Variants in R3HDM2 observed in about 807,000 individuals in gnomAD.
The protein encoded by R3HDM2 is R3H domain containing 2, also known as R3H domain-containing protein 2.
A neutral mutation model predicts 124.5 loss-of-function variants in R3HDM2; 38 were observed. That is an observed-to-expected ratio of 0.31 (90% CI 0.24 to 0.40). The LOEUF (loss-of-function observed/expected upper bound fraction) is 0.40. Ranked by LOEUF, R3HDM2 falls within the 10% of genes least tolerant of loss-of-function variation. The probability of loss-of-function intolerance (pLI) is 1.00; values close to 1 mark genes in which losing one functional copy is unlikely to be tolerated. For synonymous variants in R3HDM2, 391 were observed against 448.0 expected (o/e 0.87, Z 1.61); for missense variants, 869 against 1,236.9 (o/e 0.70, Z 4.46).
In R3HDM2 at chr12:57,423,246, A is replaced by ACCC. The variant is rs1220775907; in HGVS notation, c.-106+7471_-106+7473dup. On this transcript the variant is annotated intron_variant, in intron 1 of 23. Coordinates refer to ENST00000402412, the MANE Select transcript of R3HDM2 (RefSeq NM_001394031.1). The stretch of plus-strand genomic sequence containing the variant: ...AGACCAGGCTGGCAAACATGGTGAA[A>ACCC]CCCCCCATCTCTACTAAAAATGCAA... Among the ~76,000 whole-genome samples, 4 of 151,092 alleles carry ACCC rather than the reference A, an allele frequency of 2.6e-5. No homozygotes were observed. The East Asian group carries it at 7.8e-4, about 30-fold the overall frequency.
intron 2 of R3HDM2, among the ~76,000 whole-genome samples, chr12:57,386,333 G>A (rs1020648182): frequency 1.6e-4 from 25 of 152,352 alleles, no homozygotes; most frequent in African/African-American, 4.8e-4. Context: ...GGCGGGAACC[G>A]AGGCTGCCCA....
At chr12:57,272,291 T>C (rs910563436) in intron 14 of R3HDM2, among the ~76,000 whole-genome samples, 1 of 152,152 alleles carries the variant, frequency 6.6e-6, no homozygotes, top group African/African-American at 2.4e-5. Flanking sequence ...GCCATTAGCA[T>C]GGAGTATAGT....
chr12:57,297,477 T>G (rs970407492), intron 7 of R3HDM2, 90 bp from the exon 8 acceptor site: 97 of 760,682 alleles, frequency 1.3e-4, no homozygotes, highest in Middle Eastern at 2.3e-4. Context: ...CACAACTTGC[T>G]CATTACAGAA....
chr12:57,345,500 T>TACACACAC (rs55903347), intron 2 of R3HDM2, among the ~76,000 whole-genome samples: 8 of 147,526 alleles, frequency 5.4e-5, no homozygotes, highest in African/African-American at 1.5e-4. Flanking sequence ...ATTTCTTTTA[T>TACACACAC]ACACACACAC....
Position 57,270,087 on chromosome 12 carries a change from A to G in R3HDM2, c.1345-93T>C. 3 of 1,467,328 alleles carry G rather than the reference A, an allele frequency of 2.0e-6. No homozygotes were observed. In the South Asian group the frequency reaches 3.7e-5, roughly 18 times the overall value. The allele number at this position is 1,467,328 out of a possible 1,614,324, so 90.9% of individuals were successfully genotyped here. ...ACAGAGAGAAATAGCAATGCTTTTT[A>G]CAACCTTCTTTAAAACAATGGGGGA... On this transcript the variant is annotated intron_variant, in intron 14 of 23. Transcript: ENST00000402412.
chr12:57,332,629 A>G (rs971660797), intron 2 of R3HDM2, among the ~76,000 whole-genome samples: 1 of 152,154 alleles, frequency 6.6e-6, no homozygotes, highest in Non-Finnish European at 1.5e-5. Context: ...TGCAAGATCT[A>G]AAAAACTGTG....
chr12:57,298,623 G>A (rs1048868568), intron 6 of R3HDM2, among the ~76,000 whole-genome samples: 16 of 151,148 alleles, frequency 1.1e-4, no homozygotes, highest in African/African-American at 3.7e-4. Context: ...GAGTTTAAAG[G>A]CAAAGATAGT....
intron 14 of R3HDM2, among the ~76,000 whole-genome samples, chr12:57,272,778 C>T (rs2043891175): frequency 2.0e-5 from 3 of 152,184 alleles, no homozygotes; most frequent in Admixed American, 2.0e-4. Flanking sequence ...GACAAACAGG[C>T]AATCTCTCTT....
intron 21 of R3HDM2, among the ~76,000 whole-genome samples, chr12:57,257,036 C>G (rs906496611): frequency 2.0e-5 from 3 of 152,078 alleles, no homozygotes; most frequent in African/African-American, 7.2e-5. Flanking sequence ...GCCAGGCAGT[C>G]TTGAACTCCT....
At chr12:57,384,069 G>C (rs891481590) in intron 2 of R3HDM2, among the ~76,000 whole-genome samples, 4 of 151,942 alleles carry the variant, frequency 2.6e-5, no homozygotes, top group Non-Finnish European at 5.9e-5. Flanking sequence ...AAATAGAAAA[G>C]TATGGAAACA....
At chr12:57,377,430 T>C (rs1303403921) in intron 2 of R3HDM2, among the ~76,000 whole-genome samples, 3 of 152,054 alleles carry the variant, frequency 2.0e-5, no homozygotes, top group African/African-American at 7.2e-5. Flanking sequence ...AATTTGAACA[T>C]GGGACCCATG....
chr12:57,417,983 C>T (rs576810530), intron 1 of R3HDM2, among the ~76,000 whole-genome samples: 1 of 152,256 alleles, frequency 6.6e-6, no homozygotes, highest in Non-Finnish European at 1.5e-5. Context: ...TAACCCTGTT[C>T]CCTATCACAG....
At chr12:57,393,279 T>A (rs2067002706) in intron 2 of R3HDM2, among the ~76,000 whole-genome samples, 1 of 152,080 alleles carries the variant, frequency 6.6e-6, no homozygotes, top group Non-Finnish European at 1.5e-5. Context: ...AATTTTGGAA[T>A]TTTTAGTAGA....
intron 8 of R3HDM2, 90 bp downstream of exon 8, chr12:57,297,238 T>C: frequency 1.4e-6 from 1 of 702,972 alleles, no homozygotes; most frequent in Non-Finnish European, 2.4e-6. Context: ...AAAATCACAC[T>C]TCAAGGGGAA....
At chr12:57,335,581 T>C (rs746042222) in intron 2 of R3HDM2, among the ~76,000 whole-genome samples, 3 of 151,010 alleles carry the variant, frequency 2.0e-5, no homozygotes, top group Non-Finnish European at 4.4e-5. Flanking sequence ...TGCTGCAACT[T>C]TGAACTCCTG....
Position 57,262,185 on chromosome 12 carries a change from T to C in R3HDM2, c.2132-3126A>G, listed in dbSNP as rs117621047. Among the ~76,000 whole-genome samples the C allele has an allele frequency of 8.0e-3, 1,223 of 152,336 alleles. 13 individuals carry two copies. Among genetic ancestry groups the C allele is most frequent in the Middle Eastern group, 0.031 (9 of 294 alleles). ...AGAATCCAATAATATCTTGGTATTT[T>C]TCCTTTTTTTGGTGGGGGAGTAGGA... On this transcript the variant is annotated intron_variant, in intron 19 of 23. Coordinates refer to ENST00000402412, the MANE Select transcript of R3HDM2 (RefSeq NM_001394031.1).
At chr12:57,301,992 T>G (rs888534117) in intron 4 of R3HDM2, among the ~76,000 whole-genome samples, 1 of 152,146 alleles carries the variant, frequency 6.6e-6, no homozygotes, top group Non-Finnish European at 1.5e-5. Flanking sequence ...AAGTAAAGCA[T>G]TAGGTTAGCT....
chr12:57,254,906 A>G lies in R3HDM2; in HGVS notation c.2840T>C (p.Val947Ala). 6.2e-7 allele frequency: 1 copy of G among 1,614,188 alleles called. No homozygotes were observed. Among genetic ancestry groups the G allele is most frequent in the Non-Finnish European group, 8.5e-7 (1 of 1,180,020 alleles). ...AGCCAGGGGGCTGGGGAACACAGCC[A>G]CAATGGTGTACAAGGCAGCGAGGTC... ...HSDLAALYTI[V>A]AVFPSPLAAQ... is the part of the protein sequence containing the mutation. The change falls in exon 24 of 24, where the codon GTG (valine) becomes GCG (alanine). Residue 947 changes from valine (V) to alanine (A), a missense_variant. Coordinates refer to ENST00000402412, the MANE Select transcript of R3HDM2 (RefSeq NM_001394031.1).
chr12:57,296,795 G>A lies in R3HDM2; in HGVS notation c.561-244C>T. On this transcript the variant is annotated intron_variant, in intron 8 of 23. Coordinates refer to ENST00000402412, the MANE Select transcript of R3HDM2 (RefSeq NM_001394031.1). The surrounding 1 kb of genome is among the most constrained non-coding windows in gnomAD (Gnocchi z 4.5). ...AAGACTACTCATTGCTGGGTGCAGT[G>A]GCTCATGCCCGTAATCCCAGCACTT... 2 of 397,342 alleles carry A rather than the reference G, an allele frequency of 5.0e-6. No individual in the cohort carries two copies. Among genetic ancestry groups the A allele is most frequent in the Non-Finnish European group, 9.0e-6 (2 of 221,534 alleles). The allele number at this position is 397,342 out of a possible 1,614,324, so 24.6% of individuals were successfully genotyped here.
Sources: allele counts gnomAD v4.1 joint callset (sites outside exome capture counted in the v4.1 genomes callset), GRCh38; gene constraint gnomAD v4.1.1; non-coding constraint Gnocchi (gnomAD v3.1); transcripts MANE v1.5; gene names NCBI Gene and HGNC (gene_info 2026-07-23, HGNC 2026-07-21).